Variants in ZNF226 observed in about 807,000 individuals in gnomAD.
ZNF226 encodes the protein zinc finger protein 226.
In ZNF226, 6 loss-of-function variants were observed where a neutral mutation model predicts 11.4. The observed-to-expected ratio is 0.53, with a 90% CI of 0.29 to 1.04. The LOEUF is 1.04. Among genes scored for constraint, ZNF226 ranks in the 50% least tolerant of loss-of-function variants. The pLI is 0.08. For missense variants in ZNF226, 1,058 were observed against 956.5 expected (o/e 1.11, Z -1.40); for synonymous variants, 350 against 322.8 (o/e 1.08, Z -0.90).
chr19:44,186,216 T>A, the ZNF226 span, among the ~76,000 whole-genome samples: 1 of 151,944 alleles, frequency 6.6e-6, no homozygotes, highest in African/African-American at 2.4e-5. Flanking sequence ...ATTTTAGAAT[T>A]TTTTTTTCCT....
chr19:44,180,737 G>A (rs779572585), downstream of ZNF226, among the ~76,000 whole-genome samples: 3 of 152,112 alleles, frequency 2.0e-5, no homozygotes, highest in South Asian at 4.1e-4. Context: ...ACAGAAAAAC[G>A]TGTACTAAGC....
downstream of ZNF226, among the ~76,000 whole-genome samples, chr19:44,178,841 AATG>A (rs779206064): frequency 8.5e-5 from 13 of 152,184 alleles, no homozygotes; most frequent in South Asian, 4.1e-4. Context: ...GATCCTTGAA[AATG>A]ATGACCAAAT....
downstream of ZNF226, chr19:44,178,508 G>T (rs1970854898): frequency 6.6e-6 from 1 of 152,104 alleles, no homozygotes; most frequent in Non-Finnish European, 1.5e-5. Flanking sequence ...TTAGGTTGCG[G>T]CTATTGCAGA....
At position 44,176,674 on chromosome 19, in the gene ZNF226, G is replaced by A. The variant is rs61742481; in HGVS notation, c.1412G>A (p.Gly471Glu). 192 of 1,613,994 alleles carry A rather than the reference G, an allele frequency of 1.2e-4. 1 individual carries two copies. In the Middle Eastern group the frequency reaches 2.1e-3, roughly 18 times the overall value. ...CAGGCCCATCAGGGAGTTCACACTGGAGAGAAGTCATACATATGTACTGTA... is the reference window on the plus strand; with the variant it reads ...CAGGCCCATCAGGGAGTTCACACTGAAGAGAAGTCATACATATGTACTGTA... ...SLQAHQGVHT[G>E]EKSYICTVCG... Residue 471 changes from glycine (G) to glutamate (E), a missense_variant, in exon 6 of 6, where the codon GGA becomes GAA. Gly to Glu is a moderately conservative substitution (Grantham distance 98). Coordinates refer to ENST00000337433, the MANE Select transcript of ZNF226 (RefSeq NM_001032373.2).
intron 2 of ZNF226, 55 bp from the exon 3 acceptor site, chr19:44,169,980 C>A (rs530955923): frequency 8.0e-7 from 1 of 1,244,658 alleles, no homozygotes; most frequent in Non-Finnish European, 1.1e-6. Context: ...AGAGCAGCCA[C>A]GTGCATTAGC....
chr19:44,196,515 T>A, the ZNF226 span, among the ~76,000 whole-genome samples: 1 of 152,200 alleles, frequency 6.6e-6, no homozygotes, highest in African/African-American at 2.4e-5. Context: ...CTGCTGGAAT[T>A]TGATTACACC....
chr19:44,196,065 C>T, the ZNF226 span, among the ~76,000 whole-genome samples: 1 of 151,472 alleles, frequency 6.6e-6, no homozygotes, highest in Non-Finnish European at 1.5e-5. Context: ...AGGAATGATG[C>T]CAGGGGGATG....
At chr19:44,193,996 G>A in the ZNF226 span, among the ~76,000 whole-genome samples, 1 of 152,162 alleles carries the variant, frequency 6.6e-6, no homozygotes. Context: ...CAAAAATTTT[G>A]TCAAAAGCAT....
chr19:44,188,507 T>A, the ZNF226 span, among the ~76,000 whole-genome samples: 3 of 152,348 alleles, frequency 2.0e-5, no homozygotes, highest in South Asian at 6.2e-4. Context: ...TTAGGAATTA[T>A]AAATAGCCCA....
chr19:44,170,157 C>G, intron 3 of ZNF226, 62 bp downstream of exon 3: 1 of 1,564,282 alleles, frequency 6.4e-7, no homozygotes. Context: ...GAGATGGAAC[C>G]AGGTTTTTCT....
At chr19:44,199,008 G>T in the ZNF226 span, among the ~76,000 whole-genome samples, 26 of 151,368 alleles carry the variant, frequency 1.7e-4, no homozygotes, top group African/African-American at 6.3e-4. Flanking sequence ...TCACCATGTT[G>T]GCCAGGTGGG....
the ZNF226 span, among the ~76,000 whole-genome samples, chr19:44,192,320 A>G: frequency 6.6e-6 from 1 of 152,132 alleles, no homozygotes; most frequent in African/African-American, 2.4e-5. Context: ...GAGAGAAGCA[A>G]GAGGAGTGAG....
chr19:44,184,925 C>T, the ZNF226 span, among the ~76,000 whole-genome samples: 68 of 152,272 alleles, frequency 4.5e-4, 1 homozygote, highest in African/African-American at 1.6e-3. Flanking sequence ...ACTATTTCCT[C>T]CCCCCTCCTC....
At chr19:44,188,666 T>C in the ZNF226 span, among the ~76,000 whole-genome samples, 1 of 152,134 alleles carries the variant, frequency 6.6e-6, no homozygotes, top group African/African-American at 2.4e-5. Context: ...ACAACTGTCA[T>C]TGTTGTATCT....
At chr19:44,166,176 T>C (rs1969349127) in intron 2 of ZNF226, among the ~76,000 whole-genome samples, 1 of 152,116 alleles carries the variant, frequency 6.6e-6, no homozygotes, top group African/African-American at 2.4e-5. Flanking sequence ...CTGTGGGGAC[T>C]TTGCTCAAGG....
Position 44,177,007 on chromosome 19 carries a change from C to T in ZNF226, c.1745C>T (p.Thr582Met), listed in dbSNP as rs536017980. 29 of 1,613,874 alleles carry T rather than the reference C, an allele frequency of 1.8e-5. No homozygotes were observed. The highest frequency in any genetic ancestry group is 9.9e-5 in the South Asian group (9 of 91,074). The stretch of plus-strand genomic sequence containing the variant: ...CTTCAGATTCACCAGCTGATCCATA[C>T]GGGTGAGAAACCATACAAATGTGAA... ...SRLQIHQLIH[T>M]GEKPYKCEEC... The change falls in exon 6 of 6, where the codon ACG becomes ATG. Residue 582 changes from threonine to methionine, a missense_variant. Physicochemically the swap from Thr to Met is moderately conservative, Grantham distance 81 (BLOSUM62 -1). Coordinates refer to ENST00000337433, the MANE Select transcript of ZNF226 (RefSeq NM_001032373.2).
rs778990236 is a variant in ZNF226, at chr19:44,177,540, T to C, written c.2278T>C (p.Cys760Arg). 118 of 1,614,006 alleles carry C rather than the reference T, an allele frequency of 7.3e-5. No individual in the cohort carries two copies. The highest frequency in any genetic ancestry group is 1.6e-4 in the African/African-American group (12 of 74,934). The change falls in exon 6 of 6, where the codon TGT becomes CGT. Residue 760 changes from cysteine to arginine, a missense_variant. Transcript: ENST00000337433. ...TGEKPYKCEI[C>R]GKSFSWRSNL... ...GGAGAAACCTTATAAATGTGAGATA[T>C]GTGGTAAGAGCTTCAGTTGGCGATC...
downstream of ZNF226, chr19:44,177,754 G>A: frequency 7.1e-7 from 1 of 1,418,002 alleles, no homozygotes; most frequent in Non-Finnish European, 9.4e-7. Context: ...AGCTCCTCAT[G>A]TCCCAGTGGT....
chr19:44,183,600 T>C, the ZNF226 span, among the ~76,000 whole-genome samples: 1 of 152,220 alleles, frequency 6.6e-6, no homozygotes, highest in African/African-American at 2.4e-5. Context: ...TGGTGATCAA[T>C]AGGGTGACAG....
Sources: allele counts gnomAD v4.1 joint callset (sites outside exome capture counted in the v4.1 genomes callset), GRCh38; gene constraint gnomAD v4.1.1; transcripts MANE v1.5; gene names NCBI Gene and HGNC (gene_info 2026-07-23, HGNC 2026-07-21).